AKAP19: variants seen among roughly 807,000 people sequenced by gnomAD.
AKAP19 encodes A-kinase anchoring protein 19, also known as small A-kinase anchoring protein.
chr2:190,117,630 T>C, the AKAP19 span, among the ~76,000 whole-genome samples: 4 of 152,228 alleles, frequency 2.6e-5, no homozygotes, highest in African/African-American at 4.8e-5. Flanking sequence ...CTTAGAAGAA[T>C]GAAACAAAAA....
chr2:190,075,390 T>C, the AKAP19 span, among the ~76,000 whole-genome samples: 1 of 152,218 alleles, frequency 6.6e-6, no homozygotes, highest in Admixed American at 6.5e-5. Flanking sequence ...TCTTTAAATG[T>C]CAAGTCAGGT....
the AKAP19 span, among the ~76,000 whole-genome samples, chr2:189,989,564 C>CAA: frequency 1.3e-5 from 2 of 151,166 alleles, no homozygotes; most frequent in Non-Finnish European, 3.0e-5. Context: ...TCAGAACATA[C>CAA]AAAAAAAATT....
chr2:190,013,493 C>G, the AKAP19 span, among the ~76,000 whole-genome samples: 1 of 151,496 alleles, frequency 6.6e-6, no homozygotes, highest in Admixed American at 6.6e-5. Context: ...AGTCGTCTCT[C>G]TTTGTTTATT....
At chr2:190,175,505 C>T in the AKAP19 span, among the ~76,000 whole-genome samples, 9 of 152,294 alleles carry the variant, frequency 5.9e-5, no homozygotes, top group East Asian at 1.7e-3. Context: ...GAACTATTCC[C>T]TAGTTTGGGT....
chr2:190,116,178 A>C, the AKAP19 span, among the ~76,000 whole-genome samples: 1 of 152,240 alleles, frequency 6.6e-6, no homozygotes, highest in African/African-American at 2.4e-5. Flanking sequence ...TAGCACTCTT[A>C]GTCCATTTTG....
the AKAP19 span, among the ~76,000 whole-genome samples, chr2:190,097,636 T>A: frequency 6.6e-6 from 1 of 151,866 alleles, no homozygotes; most frequent in Non-Finnish European, 1.5e-5. Context: ...TACGGAATGT[T>A]CTAAATTCTT....
the AKAP19 span, among the ~76,000 whole-genome samples, chr2:190,132,009 G>A: frequency 1.3e-5 from 2 of 151,940 alleles, no homozygotes; most frequent in Non-Finnish European, 2.9e-5. Flanking sequence ...GATAATTATA[G>A]CATTTCTTTA....
the AKAP19 span, among the ~76,000 whole-genome samples, chr2:189,966,880 A>G: frequency 9.2e-5 from 14 of 152,232 alleles, no homozygotes; most frequent in Admixed American, 3.3e-4. Context: ...CAAGAAGTTA[A>G]GAAAAACCAA....
the AKAP19 span, among the ~76,000 whole-genome samples, chr2:190,101,645 T>C: frequency 0.025 from 3,850 of 151,864 alleles, 179 homozygotes; most frequent in African/African-American, 0.088. Context: ...AATATATATG[T>C]ACTCAACATT....
chr2:189,968,140 G>T, the AKAP19 span, among the ~76,000 whole-genome samples: 1 of 152,028 alleles, frequency 6.6e-6, no homozygotes, highest in East Asian at 1.9e-4. Flanking sequence ...AGGAAAGAAA[G>T]AAATATAGAA....
chr2:190,113,158 A>G, the AKAP19 span, among the ~76,000 whole-genome samples: 2 of 151,890 alleles, frequency 1.3e-5, no homozygotes, highest in East Asian at 1.9e-4. Context: ...TTTTTTGTGC[A>G]TTATATTGTT....
the AKAP19 span, among the ~76,000 whole-genome samples, chr2:189,955,016 G>A: frequency 3.9e-5 from 6 of 152,172 alleles, no homozygotes; most frequent in Non-Finnish European, 7.3e-5. Flanking sequence ...GCATAGTGGT[G>A]AATGCTGGGC....
chr2:190,120,340 C>T, the AKAP19 span, among the ~76,000 whole-genome samples: 1 of 151,936 alleles, frequency 6.6e-6, no homozygotes, highest in Non-Finnish European at 1.5e-5. Flanking sequence ...TCCGCGAAAC[C>T]AGTCCCTGGT....
At chr2:190,131,621 T>G in the AKAP19 span, among the ~76,000 whole-genome samples, 2 of 152,084 alleles carry the variant, frequency 1.3e-5, no homozygotes, top group Non-Finnish European at 2.9e-5. Flanking sequence ...AAGGTGGGGG[T>G]CATTGGAAGT....
At chr2:189,887,634 ATTTCT>A in the AKAP19 span, among the ~76,000 whole-genome samples, 4 of 152,050 alleles carry the variant, frequency 2.6e-5, no homozygotes, top group Non-Finnish European at 4.4e-5. Context: ...ACCATCTGTC[ATTTCT>A]TTACTTTTTA....
chr2:190,149,185 A>C, the AKAP19 span, among the ~76,000 whole-genome samples: 1 of 147,338 alleles, frequency 6.8e-6, no homozygotes. Flanking sequence ...CTGGTCTTGA[A>C]CTCCCAACCT....
the AKAP19 span, among the ~76,000 whole-genome samples, chr2:189,989,283 A>G: frequency 1.3e-5 from 2 of 152,086 alleles, no homozygotes; most frequent in South Asian, 2.1e-4. Context: ...TTCCCCGCAA[A>G]AAAAAAGGAA....
the AKAP19 span, among the ~76,000 whole-genome samples, chr2:190,142,099 G>C: frequency 6.6e-6 from 1 of 152,258 alleles, no homozygotes; most frequent in East Asian, 1.9e-4. Context: ...CTTGTTTTGT[G>C]CAGACTCCAG....
chr2:190,025,931 A>G, the AKAP19 span, among the ~76,000 whole-genome samples: 4 of 152,118 alleles, frequency 2.6e-5, no homozygotes, highest in East Asian at 7.7e-4. Flanking sequence ...GTAGTTCTCA[A>G]TCATTTATAT....
Sources: allele counts gnomAD v4.1 joint callset (sites outside exome capture counted in the v4.1 genomes callset), GRCh38; gene constraint gnomAD v4.1.1; transcripts MANE v1.5; gene names NCBI Gene and HGNC (gene_info 2026-07-23, HGNC 2026-07-21).